GABRR2: variants seen among roughly 807,000 people sequenced by gnomAD.
GABRR2 encodes gamma-aminobutyric acid type A receptor subunit rho2, also known as gamma-aminobutyric acid receptor subunit rho-2.
Under a neutral mutation model 47.0 loss-of-function variants are expected in GABRR2, and 36 were observed. The ratio of observed to expected loss-of-function variants is 0.77; its 90% CI spans 0.59 to 1.01. GABRR2 has a LOEUF of 1.01. Among genes scored for constraint, GABRR2 ranks in the 50% least tolerant of loss-of-function variants. The pLI is 0.00. For missense variants in GABRR2, 587 were observed against 594.6 expected (o/e 0.99, Z 0.13); for synonymous variants, 204 against 227.5 (o/e 0.90, Z 0.93).
At chr6:89,309,777 C>A (rs9294431) in intron 1 of GABRR2, among the ~76,000 whole-genome samples, 93,657 of 150,970 alleles carry the variant, frequency 0.62, 29,776 homozygotes, top group South Asian at 0.77. Flanking sequence ...TCTTCTTCTT[C>A]TTATTATTAT....
At chr6:89,275,668 GAT>G (rs1774146370) in intron 2 of GABRR2, among the ~76,000 whole-genome samples, 1 of 152,184 alleles carries the variant, frequency 6.6e-6, no homozygotes, top group Non-Finnish European at 1.5e-5. Flanking sequence ...CCGGTATTTG[GAT>G]CTACTTCTCT....
At chr6:89,284,226 A>G (rs535437815) in intron 2 of GABRR2, among the ~76,000 whole-genome samples, 46 of 152,256 alleles carry the variant, frequency 3.0e-4, no homozygotes, top group African/African-American at 1.1e-3. Flanking sequence ...AAAGTTCTGT[A>G]TCTCGATCTG....
chr6:89,268,778 T>C (rs1773973678), intron 4 of GABRR2, among the ~76,000 whole-genome samples: 2 of 152,130 alleles, frequency 1.3e-5, no homozygotes, highest in African/African-American at 4.8e-5. Context: ...GGTCATTGTC[T>C]CATTCAGGCC....
chr6:89,290,897 T>C (rs1774428619), intron 2 of GABRR2, among the ~76,000 whole-genome samples: 4 of 152,102 alleles, frequency 2.6e-5, no homozygotes, highest in Admixed American at 2.6e-4. Flanking sequence ...CCTCTCACAC[T>C]CAGGCCTGGC....
At chr6:89,312,782 C>T (rs1008132519) in intron 1 of GABRR2, among the ~76,000 whole-genome samples, 3 of 152,236 alleles carry the variant, frequency 2.0e-5, no homozygotes, top group African/African-American at 2.4e-5. Context: ...GGCCCAGAAC[C>T]ACATTCCCTG....
rs1773946538 is a variant in GABRR2 at position 89,268,053 on chromosome 6, G to A, written c.556C>T (p.Pro186Ser). 1 of 1,611,974 alleles carries A rather than the reference G, an allele frequency of 6.2e-7. No individual in the cohort carries two copies. The highest frequency in any genetic ancestry group is 8.5e-7 in the Non-Finnish European group (1 of 1,178,942). ...AMCNMDFSHF[P>S]LDSQTCSLEL... is the part of the protein sequence containing the mutation. The stretch of plus-strand genomic sequence containing the variant: ...AAAGAACAGGTCTGGGAGTCCAGGG[G>A]AAAGTGGCTGAAGTCCATGTTGCAC... The change falls in exon 5 of 9, where the codon CCC becomes TCC. Residue 186 changes from proline to serine, a missense_variant. Coordinates refer to ENST00000402938, the MANE Select transcript of GABRR2 (RefSeq NM_002043.5).
chr6:89,266,419 G>C (rs1359567242), intron 6 of GABRR2, among the ~76,000 whole-genome samples: 1 of 152,228 alleles, frequency 6.6e-6, no homozygotes, highest in Non-Finnish European at 1.5e-5. Context: ...GGAGCTGGGA[G>C]AGCTAGGCTC....
chr6:89,259,293 T>A (rs1773683508), intron 8 of GABRR2, among the ~76,000 whole-genome samples: 1 of 152,208 alleles, frequency 6.6e-6, no homozygotes, highest in South Asian at 2.1e-4. Flanking sequence ...CCTCTTATTG[T>A]TATGGATCTT....
At chr6:89,282,790 C>G (rs73503958) in intron 2 of GABRR2, among the ~76,000 whole-genome samples, 8,536 of 152,292 alleles carry the variant, frequency 0.056, 791 homozygotes, top group African/African-American at 0.19. Context: ...GGCTTCAGAC[C>G]GAAGTGGAGA....
At chr6:89,312,473 T>C (rs1490923229) in intron 1 of GABRR2, among the ~76,000 whole-genome samples, 1 of 152,190 alleles carries the variant, frequency 6.6e-6, no homozygotes, top group African/African-American at 2.4e-5. Flanking sequence ...AGGGTGACCA[T>C]GTGCATAGTG....
At chr6:89,289,990 A>C (rs1318714919) in intron 2 of GABRR2, among the ~76,000 whole-genome samples, 2 of 152,164 alleles carry the variant, frequency 1.3e-5, no homozygotes, top group African/African-American at 4.8e-5. Context: ...GATTCCTGAG[A>C]GAACTGATCC....
At chr6:89,293,711 C>T (rs1194899273) in intron 2 of GABRR2, among the ~76,000 whole-genome samples, 7 of 152,294 alleles carry the variant, frequency 4.6e-5, no homozygotes, top group South Asian at 2.1e-4. Flanking sequence ...CACCTGAGCC[C>T]GGACAGTTGA....
intron 8 of GABRR2, among the ~76,000 whole-genome samples, chr6:89,260,205 C>T (rs957949872): frequency 3.3e-5 from 5 of 152,132 alleles, no homozygotes. Flanking sequence ...CCATGCCCAG[C>T]CCTATTCAAC....
At chr6:89,268,432 C>T (rs1773959735) in intron 4 of GABRR2, among the ~76,000 whole-genome samples, 1 of 152,184 alleles carries the variant, frequency 6.6e-6, no homozygotes, top group Admixed American at 6.5e-5. Context: ...TGGGAGGCCC[C>T]CTCATCAACT....
intron 2 of GABRR2, among the ~76,000 whole-genome samples, chr6:89,295,155 C>T (rs1001819310): frequency 7.9e-5 from 12 of 152,118 alleles, no homozygotes; most frequent in African/African-American, 2.9e-4. Context: ...GGTATATACC[C>T]AGTAATGGGA....
intron 1 of GABRR2, among the ~76,000 whole-genome samples, chr6:89,306,429 T>G (rs567985775): frequency 6.6e-6 from 1 of 152,206 alleles, no homozygotes; most frequent in Non-Finnish European, 1.5e-5. Context: ...AAGACAAATA[T>G]AGTCAAAACT....
chr6:89,264,638 G>A, intron 7 of GABRR2, 30 bp from the exon 8 acceptor site: 1 of 1,611,984 alleles, frequency 6.2e-7, no homozygotes, highest in Non-Finnish European at 8.5e-7. Flanking sequence ...TTGGGCTGCT[G>A]ACAGCGGTCT....
intron 2 of GABRR2, among the ~76,000 whole-genome samples, chr6:89,297,117 A>G (rs561535332): frequency 6.6e-6 from 1 of 152,306 alleles, no homozygotes; most frequent in African/African-American, 2.4e-5. Flanking sequence ...ACTTTTGAGG[A>G]CCCTGGGCAC....
chr6:89,302,661 A>T, intron 1 of GABRR2: 1 of 1,292,784 alleles, frequency 7.7e-7, no homozygotes, highest in Non-Finnish European at 1.1e-6. Context: ...CAAGAACATG[A>T]TGGCTGCCCG....
Sources: gnomAD v4.1 joint callset for allele counts (sites outside exome capture counted in the v4.1 genomes callset) on GRCh38, gnomAD v4.1.1 for gene constraint, MANE v1.5 for transcripts, NCBI Gene and HGNC (gene_info 2026-07-23, HGNC 2026-07-21) for gene names.